CRNKL1: variants seen among roughly 807,000 people sequenced by gnomAD.
The protein encoded by CRNKL1 is crooked neck pre-mRNA splicing factor 1, also known as crooked neck-like protein 1.
In CRNKL1, 35 loss-of-function variants were observed where a neutral mutation model predicts 103.7. That is an observed-to-expected ratio of 0.34 (90% CI 0.26 to 0.45). The LOEUF is 0.45. Among genes scored for constraint, CRNKL1 ranks in the 20% least tolerant of loss-of-function variants. The pLI, the probability that CRNKL1 is intolerant of heterozygous loss-of-function variation, is 1.00. For missense variants in CRNKL1, 645 were observed against 836.0 expected (o/e 0.77, Z 2.82); for synonymous variants, 267 against 282.6 (o/e 0.94, Z 0.55).
chr20:20,052,262 C>A, intron 1 of CRNKL1, 30 bp downstream of exon 1: 1 of 1,581,632 alleles, frequency 6.3e-7, no homozygotes, highest in Non-Finnish European at 8.6e-7. Context: ...TCCTAGGCCA[C>A]CTCCTACAAG....
chr20:20,048,242 A>G, intron 4 of CRNKL1, 101 bp downstream of exon 4: 1 of 1,307,672 alleles, frequency 7.6e-7, no homozygotes, highest in Non-Finnish European at 1.1e-6. Context: ...AAGAAAAAGT[A>G]GGATATCAAA....
rs2043433149 is a variant in CRNKL1, at chr20:20,037,185, T to C, written c.1896+138A>G. The C allele has an allele frequency of 9.7e-6, 10 of 1,028,672 alleles. 1 individual carries two copies. The highest frequency in any genetic ancestry group is 9.5e-5 in the South Asian group (6 of 63,478). 63.7% of individuals were successfully genotyped at this position (1,028,672 alleles called of 1,614,324 possible). On this transcript the variant is annotated intron_variant, in intron 13 of 13. Transcript: ENST00000536226. Reference sequence around the variant, plus strand: ...ACCCCGTGTTTCCATAACAGCCAGATTGCAACCATCTCCTACTCCAGGTGG... The same window carrying C: ...ACCCCGTGTTTCCATAACAGCCAGACTGCAACCATCTCCTACTCCAGGTGG...
chr20:20,042,540 A>T (rs1436595751), intron 7 of CRNKL1, 24 bp from the exon 8 acceptor site: 1 of 1,581,380 alleles, frequency 6.3e-7, no homozygotes, highest in Non-Finnish European at 8.6e-7. Flanking sequence ...CAGTTTAATA[A>T]ATAAAAAACA....
At chr20:20,049,458 CAA>C (rs1178644164) in intron 2 of CRNKL1, 27 bp from the exon 3 acceptor site, 3 of 1,239,264 alleles carry the variant, frequency 2.4e-6, no homozygotes, top group Admixed American at 3.9e-5. Context: ...AGGGTCAAGT[CAA>C]AAGACAAATG....
intron 1 of CRNKL1, among the ~76,000 whole-genome samples, chr20:20,051,419 T>C (rs1382622399): frequency 6.6e-6 from 1 of 152,258 alleles, no homozygotes; most frequent in Non-Finnish European, 1.5e-5. Flanking sequence ...ATATGTGGTG[T>C]GCATTATATT....
At chr20:20,037,209 G>A (rs1262701013) in intron 13 of CRNKL1, 114 bp downstream of exon 13, 12 of 1,236,076 alleles carry the variant, frequency 9.7e-6, no homozygotes, top group South Asian at 2.9e-5. Context: ...TACTCCAGGT[G>A]GTCTGCTTCC....
At chr20:20,049,072 A>G (rs1015488267) in intron 3 of CRNKL1, among the ~76,000 whole-genome samples, 1 of 138,808 alleles carries the variant, frequency 7.2e-6, no homozygotes, top group African/African-American at 3.0e-5. Flanking sequence ...AAAAATCTCA[A>G]TATATACAAA....
upstream of CRNKL1, among the ~76,000 whole-genome samples, chr20:20,054,267 A>G (rs974699743): frequency 6.6e-6 from 1 of 151,714 alleles, no homozygotes; most frequent in African/African-American, 2.4e-5. Flanking sequence ...GTTTAGGTTT[A>G]TCAGTCTAGG....
chr20:20,052,260 C>T (rs1277195357), intron 1 of CRNKL1, 32 bp downstream of exon 1: 1 of 1,576,364 alleles, frequency 6.3e-7, no homozygotes, highest in South Asian at 1.1e-5. Context: ...TTTCCTAGGC[C>T]ACCTCCTACA....
At position 20,052,425 on chromosome 20, in the gene CRNKL1, CT is replaced by C; in HGVS notation, c.-84del. The C allele has an allele frequency of 6.2e-7, 1 of 1,614,248 alleles. No individual in the cohort carries two copies. Among genetic ancestry groups the C allele is most frequent in the Non-Finnish European group, 8.5e-7 (1 of 1,180,048 alleles). On this transcript the variant is annotated 5_prime_UTR_variant, in exon 1 of 14. Coordinates refer to ENST00000536226, the MANE Select transcript of CRNKL1 (RefSeq NM_001278628.2). ...CTGAGAGCTCACCGAAACCACAAAGCTTTCAGAAAACAAACAGGATCTCGGA... is the reference window on the plus strand; with the variant it reads ...CTGAGAGCTCACCGAAACCACAAAGCTTCAGAAAACAAACAGGATCTCGGA...
At chr20:20,039,522 CTAAAA>C in intron 11 of CRNKL1, 82 bp downstream of exon 11, 1 of 1,503,760 alleles carries the variant, frequency 6.6e-7, no homozygotes, top group South Asian at 1.2e-5. Flanking sequence ...TCGTTATACT[CTAAAA>C]TACACCCACA....
At chr20:20,044,893 ATAGG>A (rs1312108957) in intron 6 of CRNKL1, among the ~76,000 whole-genome samples, 1 of 152,030 alleles carries the variant, frequency 6.6e-6, no homozygotes, top group African/African-American at 2.4e-5. Context: ...AGCTATTTTC[ATAGG>A]TACAAGGGAA....
Position 20,045,443 on chromosome 20 carries a change from G to A in CRNKL1, c.666C>T (p.Ala222=). The change falls in exon 6 of 14, where the codon GCC becomes GCT. Residue 222 remains alanine, a synonymous_variant. Coordinates refer to ENST00000536226, the MANE Select transcript of CRNKL1 (RefSeq NM_001278628.2). ...AATAAGCATGTTTTTCTTCAAAGCG[G>A]GCATACTTGATCCAGTTCTTAACAT... ...HPDVKNWIKY[A]RFEEKHAYFA... 3 of 1,611,248 alleles carry A rather than the reference G, an allele frequency of 1.9e-6. No homozygotes were observed. Among genetic ancestry groups the A allele is most frequent in the Non-Finnish European group, 2.5e-6 (3 of 1,178,936 alleles).
Position 20,052,364 on chromosome 20 carries a change from G to A in CRNKL1, c.-22C>T. On this transcript the variant is annotated 5_prime_UTR_variant, in exon 1 of 14. Coordinates refer to ENST00000536226, the MANE Select transcript of CRNKL1 (RefSeq NM_001278628.2). ...CCATGTCTGCAGCAGTCGACCTCTG[G>A]ACACCTGTCCCCGGCACGGACGCTA... 6.2e-7 allele frequency: 1 copy of A among 1,614,126 alleles called. No individual in the cohort carries two copies. The highest frequency in any genetic ancestry group is 8.5e-7 in the Non-Finnish European group (1 of 1,180,046).
chr20:20,052,584 C>T (rs1187125401), upstream of CRNKL1: 5 of 1,613,816 alleles, frequency 3.1e-6, no homozygotes, highest in African/African-American at 4.0e-5. Flanking sequence ...CCTGGAGCTG[C>T]GGATGAGGTG....
At position 20,039,701 on chromosome 20, in the gene CRNKL1, A is replaced by G; in HGVS notation, c.1453T>C (p.Phe485Leu). 6.2e-7 allele frequency: 1 copy of G among 1,614,214 alleles called. No homozygotes were observed. The highest frequency in any genetic ancestry group is 2.2e-5 in the East Asian group (1 of 44,884). Residue 485 changes from phenylalanine to leucine, a missense_variant, in exon 11 of 14, where the codon TTC (phenylalanine) becomes CTC (leucine). Transcript: ENST00000536226. ...CCAAGGATTGTCTCTAATTCAGCGA[A>G]TTTAATCCATGAGGTACAATTTTCA... is the stretch of plus-strand genomic sequence containing the variant. ...GPENCTSWIK[F>L]AELETILGDI...
rs938764728 is a variant in CRNKL1 at position 20,035,615 on chromosome 20, C to T, written c.*580G>A. ...AAGAAAGTAAGGTAAATTATTAATC[C>T]ACTCGCATTCAATTCTACAAGGAAT... On this transcript the variant is annotated 3_prime_UTR_variant, in exon 14 of 14. Transcript: ENST00000536226. 6 of 152,048 alleles carry T rather than the reference C, an allele frequency of 3.9e-5. No individual in the cohort carries two copies. Among genetic ancestry groups the T allele is most frequent in the African/African-American group, 1.5e-4 (6 of 41,376 alleles). The allele number at this position is 152,048 out of a possible 1,614,324, so 9.4% of individuals were successfully genotyped here. A position where few individuals can be genotyped will look rare whatever the true frequency, so the allele number is the denominator to read the frequency against.
upstream of CRNKL1, among the ~76,000 whole-genome samples, chr20:20,054,402 T>C (rs972414354): frequency 1.1e-4 from 16 of 147,468 alleles, no homozygotes; most frequent in Non-Finnish European, 1.8e-4. Flanking sequence ...TAGGGATATA[T>C]ATATATATAT....
At chr20:20,043,841 T>A (rs2043554195) in intron 6 of CRNKL1, among the ~76,000 whole-genome samples, 179 bp from the exon 7 acceptor site, 2 of 152,164 alleles carry the variant, frequency 1.3e-5, no homozygotes, top group Non-Finnish European at 2.9e-5. Flanking sequence ...GGACCGGTAC[T>A]CTGCTTTGAG....
Sources: allele counts gnomAD v4.1 joint callset (sites outside exome capture counted in the v4.1 genomes callset), GRCh38; gene constraint gnomAD v4.1.1; transcripts MANE v1.5; gene names NCBI Gene and HGNC (gene_info 2026-07-23, HGNC 2026-07-21).